The following RAB19 variants were observed in gnomAD, a reference collection of about 807,000 sequenced individuals.
The protein encoded by RAB19 is ras-related protein Rab-19.
RAB19 carries 21 observed loss-of-function variants against 17.3 expected under a neutral mutation model. That is an observed-to-expected ratio of 1.21 (90% confidence interval 0.86 to 1.74). The LOEUF is 1.74. Among genes scored for constraint, RAB19 ranks in the 40% most tolerant of loss-of-function variants. The probability of loss-of-function intolerance (pLI) is 0.00; values close to 1 mark genes in which losing one functional copy is unlikely to be tolerated. For missense variants in RAB19, 277 were observed against 286.8 expected (o/e 0.97, Z 0.25); for synonymous variants, 126 against 110.4 (o/e 1.14, Z -0.88).
intron 2 of RAB19, among the ~76,000 whole-genome samples, chr7:140,408,222 G>T (rs1380772791): frequency 6.6e-6 from 1 of 151,624 alleles, no homozygotes; most frequent in African/African-American, 2.4e-5. Flanking sequence ...CAACAACAAA[G>T]CACATGTCTG....
intron 3 of RAB19, among the ~76,000 whole-genome samples, chr7:140,420,246 C>T (rs1247124752): frequency 6.6e-6 from 1 of 151,948 alleles, no homozygotes; most frequent in Non-Finnish European, 1.5e-5. Flanking sequence ...CATGGCGAAA[C>T]CCCGTCTCTA....
In RAB19 at chr7:140,411,166, G is replaced by A. The variant is rs1203383073; in HGVS notation, c.202-708G>A. 1.3e-5 allele frequency: 17 copies of A among 1,306,976 alleles called. No individual in the cohort carries two copies. The Admixed American group carries it at 1.4e-4, about 11-fold the overall frequency. 81.0% of individuals were successfully genotyped at this position (1,306,976 alleles called of 1,614,324 possible). ...TGTAATCTCAGCACTTTGGGAGGCCGAGGCCAGCAGATCACAAGGTCAGGA... is the reference window on the plus strand; with the variant it reads ...TGTAATCTCAGCACTTTGGGAGGCCAAGGCCAGCAGATCACAAGGTCAGGA... On this transcript the variant is annotated intron_variant, in intron 2 of 3. Coordinates refer to ENST00000537763, the MANE Select transcript of RAB19 (RefSeq NM_001008749.3).
intron 2 of RAB19, among the ~76,000 whole-genome samples, chr7:140,410,558 C>G (rs1267735762): frequency 6.6e-6 from 1 of 151,884 alleles, no homozygotes; most frequent in Non-Finnish European, 1.5e-5. Flanking sequence ...GATCTCCTGA[C>G]CTCATGATCC....
chr7:140,418,664 G>T (rs1248669741), intron 3 of RAB19, among the ~76,000 whole-genome samples: 1 of 151,550 alleles, frequency 6.6e-6, no homozygotes, highest in African/African-American at 2.4e-5. Flanking sequence ...GGTCGGACCA[G>T]CCTGAACAAC....
chr7:140,418,396 CA>C lies in RAB19; in HGVS notation c.385+6365del, dbSNP rs140238398. Among the ~76,000 whole-genome samples the C allele has an allele frequency of 3.2e-3, 227 of 70,340 alleles. 2 individuals carry two copies. Among genetic ancestry groups the C allele is most frequent in the Middle Eastern group, 0.011 (1 of 92 alleles). The allele number at this position is 70,340 out of a possible 152,430, so 46.1% of individuals were successfully genotyped here. ...GTGAAACCCCGTCTCTGCTAAAATA[CA>C]AAAAAAAAAAAAAAAAAAAAAAAAA... is the stretch of plus-strand genomic sequence containing the variant. On this transcript the variant is annotated intron_variant, in intron 3 of 3. Transcript: ENST00000537763.
At chr7:140,419,144 A>G (rs1422191540) in intron 3 of RAB19, among the ~76,000 whole-genome samples, 1 of 146,802 alleles carries the variant, frequency 6.8e-6, no homozygotes, top group Non-Finnish European at 1.5e-5. Context: ...ATCTCAGCTC[A>G]CTGCAAACTC....
At chr7:140,411,825 T>C in intron 2 of RAB19, 49 bp from the exon 3 acceptor site, 3 of 1,614,046 alleles carry the variant, frequency 1.9e-6, no homozygotes, top group Non-Finnish European at 2.5e-6. Flanking sequence ...GGAGTTCCCA[T>C]TACCTGTGGG....
intron 2 of RAB19, among the ~76,000 whole-genome samples, chr7:140,410,190 G>A (rs1311334088): frequency 6.6e-6 from 1 of 151,482 alleles, no homozygotes; most frequent in East Asian, 1.9e-4. Context: ...GAGGGCAGTG[G>A]CGCATGATCT....
At position 140,407,458 on chromosome 7, in the gene RAB19, C is replaced by T. The variant is rs140685702; in HGVS notation, c.-23-166C>T. ...GCACCCCTAAAGTAAGATCAACACA[C>T]GTAGGGCAGATGTCAGCTTATGGGG... On this transcript the variant is annotated intron_variant, in intron 1 of 3. Coordinates refer to ENST00000537763, the MANE Select transcript of RAB19 (RefSeq NM_001008749.3). 767 of 585,158 alleles carry T rather than the reference C, an allele frequency of 1.3e-3. 2 individuals are homozygous for T. The highest frequency in any genetic ancestry group is 0.012 in the African/African-American group (656 of 53,738). 36.2% of individuals were successfully genotyped at this position (585,158 alleles called of 1,614,324 possible). A position where few individuals can be genotyped will look rare whatever the true frequency, so the allele number is the denominator to read the frequency against.
chr7:140,406,458 G>T (rs1799243236), intron 1 of RAB19, among the ~76,000 whole-genome samples: 1 of 151,498 alleles, frequency 6.6e-6, no homozygotes, highest in Non-Finnish European at 1.5e-5. Context: ...TGACCAACAT[G>T]GTGAAACCCC....
At chr7:140,410,518 G>C (rs966717315) in intron 2 of RAB19, among the ~76,000 whole-genome samples, 2 of 151,682 alleles carry the variant, frequency 1.3e-5, no homozygotes, top group Non-Finnish European at 2.9e-5. Flanking sequence ...AGTAGAGACG[G>C]GGTTTCACCT....
chr7:140,406,104 G>C (rs977648528), intron 1 of RAB19, among the ~76,000 whole-genome samples: 1 of 151,898 alleles, frequency 6.6e-6, no homozygotes, highest in Non-Finnish European at 1.5e-5. Flanking sequence ...TTAGCCAGGC[G>C]TGGTGGCAGG....
intron 1 of RAB19, among the ~76,000 whole-genome samples, chr7:140,405,953 T>A (rs1406381046): frequency 2.0e-5 from 3 of 151,990 alleles, no homozygotes; most frequent in African/African-American, 7.2e-5. Flanking sequence ...TAAAAACCTT[T>A]ATTTTCCAGC....
rs199573586 is a variant in RAB19 at position 140,415,061 on chromosome 7, TTTTTC to T, written c.385+3024_385+3028del. On this transcript the variant is annotated intron_variant, in intron 3 of 3. Coordinates refer to ENST00000537763, the MANE Select transcript of RAB19 (RefSeq NM_001008749.3). Reference sequence around the variant, plus strand: ...CACTCCATCAGACCTGACCTCTTTTTTTTTCTTTTCTTTTCTTTTCTTTTTTTTTT... The same window carrying T: ...CACTCCATCAGACCTGACCTCTTTTTTTTTCTTTTCTTTTCTTTTTTTTTT... 2.2e-4 allele frequency among the ~76,000 whole-genome samples: 34 copies of T among 151,856 alleles called. 1 individual carries two copies. Among genetic ancestry groups the T allele is most frequent in the Admixed American group, 1.1e-3 (16 of 15,204 alleles).
chr7:140,407,496 T>A, intron 1 of RAB19, 128 bp from the exon 2 acceptor site: 1 of 649,340 alleles, frequency 1.5e-6, no homozygotes, highest in Non-Finnish European at 2.7e-6. Context: ...AACTCCTCTG[T>A]GCCCGACTAG....
At chr7:140,411,834 G>A in intron 2 of RAB19, 40 bp from the exon 3 acceptor site, 1 of 1,614,092 alleles carries the variant, frequency 6.2e-7, no homozygotes. Context: ...ATTACCTGTG[G>A]GAACCCCTGA....
Position 140,411,677 on chromosome 7 carries a change from C to T in RAB19, c.202-197C>T, listed in dbSNP as rs552586617. On this transcript the variant is annotated intron_variant, in intron 2 of 3. Coordinates refer to ENST00000537763, the MANE Select transcript of RAB19 (RefSeq NM_001008749.3). Reference sequence around the variant, plus strand: ...GACAAGCTTGTCTTAGATGGTCGTTCCCCAACCAAGGAGGATATCCAAGTC... The same window carrying T: ...GACAAGCTTGTCTTAGATGGTCGTTTCCCAACCAAGGAGGATATCCAAGTC... 14 of 1,311,880 alleles carry T rather than the reference C, an allele frequency of 1.1e-5. No homozygotes were observed. The East Asian group carries it at 1.8e-4, about 17-fold the overall frequency. 81.3% of individuals were successfully genotyped at this position (1,311,880 alleles called of 1,614,324 possible).
chr7:140,407,408 G>A (rs903709126), intron 1 of RAB19, among the ~76,000 whole-genome samples: 1 of 152,156 alleles, frequency 6.6e-6, no homozygotes, highest in Admixed American at 6.6e-5. Flanking sequence ...CCAGAGAATG[G>A]CAGTAGAACC....
chr7:140,419,637 C>T (rs1799523140), intron 3 of RAB19, among the ~76,000 whole-genome samples: 1 of 152,134 alleles, frequency 6.6e-6, no homozygotes, highest in African/African-American at 2.4e-5. Flanking sequence ...TTATTGATGC[C>T]GATGGGCACA....
Sources: allele counts gnomAD v4.1 joint callset (sites outside exome capture counted in the v4.1 genomes callset), GRCh38; gene constraint gnomAD v4.1.1; transcripts MANE v1.5; gene names NCBI Gene and HGNC (gene_info 2026-07-23, HGNC 2026-07-21).